CCDC183: variants seen among roughly 807,000 people sequenced by gnomAD.
CCDC183 encodes coiled-coil domain-containing protein 183.
CCDC183 carries 63 observed loss-of-function variants against 65.2 expected under a neutral mutation model. The ratio of observed to expected loss-of-function variants is 0.97; its 90% CI spans 0.79 to 1.19. The LOEUF (loss-of-function observed/expected upper bound fraction) is 1.19. CCDC183 is among the 50% of genes most tolerant of loss of function. The pLI is 0.00. For missense variants in CCDC183, 769 were observed against 689.3 expected, an observed-to-expected ratio of 1.12 and a Z score of -1.30; for synonymous variants, 323 against 276.5, an observed-to-expected ratio of 1.17 and a Z score of -1.67.
intron 1 of CCDC183, among the ~76,000 whole-genome samples, chr9:136,798,330 C>G (rs1342343981): frequency 1.4e-5 from 2 of 146,224 alleles, no homozygotes; most frequent in Non-Finnish European, 1.5e-5. Flanking sequence ...GAGACAGAGT[C>G]TCATTCTGTC....
chr9:136,799,633 C>T lies in CCDC183; in HGVS notation c.193-80C>T, dbSNP rs1205100895. ...TGGGCTAGCGTGGGATACAAGAGGC[C>T]CTGGGGAGAATGCCTGGAGGAGCCA... On this transcript the variant is annotated intron_variant, in intron 2 of 13. Coordinates refer to ENST00000338005, the MANE Select transcript of CCDC183 (RefSeq NM_001039374.5). 4.9e-6 allele frequency: 6 copies of T among 1,232,356 alleles called. No individual in the cohort carries two copies. The East Asian group carries it at 9.8e-5, about 20-fold the overall frequency. 76.3% of individuals were successfully genotyped at this position (1,232,356 alleles called of 1,614,324 possible). A position where few individuals can be genotyped will look rare whatever the true frequency, so the allele number is the denominator to read the frequency against.
chr9:136,805,555 T>C, intron 9 of CCDC183, 98 bp downstream of exon 9: 1 of 1,127,698 alleles, frequency 8.9e-7, no homozygotes, highest in Non-Finnish European at 1.3e-6. Context: ...GGCAGGAGGG[T>C]GGCTGAGCTG....
chr9:136,796,510 G>A (rs1204242699), intron 1 of CCDC183, 43 bp downstream of exon 1: 2 of 1,398,024 alleles, frequency 1.4e-6, no homozygotes, highest in Admixed American at 2.0e-5. Flanking sequence ...TCCCGTCTGG[G>A]GGTTTCTGGG....
intron 10 of CCDC183, 30 bp downstream of exon 10, chr9:136,806,268 C>T (rs779055079): frequency 8.9e-6 from 14 of 1,572,124 alleles, no homozygotes; most frequent in African/African-American, 1.4e-5. Context: ...CTGCGGGCCA[C>T]CCACCCCAGT....
chr9:136,806,906 C>T, intron 12 of CCDC183, 39 bp downstream of exon 12: 1 of 1,613,366 alleles, frequency 6.2e-7, no homozygotes, highest in Non-Finnish European at 8.5e-7. Flanking sequence ...AGCCCACGTC[C>T]CCTCAAAGCT....
rs755565621 is a variant in CCDC183 at position 136,806,841 on chromosome 9, G to C, written c.1363G>C (p.Val455Leu). Residue 455 changes from valine to leucine, a missense_variant, in exon 12 of 14, where the codon GTG becomes CTG. By Grantham distance (32) the Val-to-Leu change is conservative. Transcript: ENST00000338005. Reference sequence around the variant, plus strand: ...GAAGCTCACGTACCTGGCTGACAGAGTGCAGATGGTGTCCAGGACCGAGGA... The same window carrying C: ...GAAGCTCACGTACCTGGCTGACAGACTGCAGATGGTGTCCAGGACCGAGGA... ...EGKLTYLADR[V>L]QMVSRTEEGD... The C allele has an allele frequency of 1.9e-6, 3 of 1,613,572 alleles. No homozygotes were observed. The East Asian group carries it at 6.7e-5, about 36-fold the overall frequency.
intron 3 of CCDC183, 50 bp from the exon 4 acceptor site, chr9:136,799,952 A>T (rs1379662440): frequency 3.9e-6 from 6 of 1,549,716 alleles, no homozygotes; most frequent in Middle Eastern, 3.8e-4. Context: ...GGCGGGCTCC[A>T]TGGCGGCCCC....
In CCDC183 at chr9:136,804,314, G is replaced by C. The variant is rs1267514845; in HGVS notation, c.667-188G>C. On this transcript the variant is annotated intron_variant, in intron 6 of 13. Transcript: ENST00000338005. The surrounding 1 kb of genome is among the most constrained non-coding windows in gnomAD (Gnocchi z 4.1). ...TGGGCTGGCACATGCTCTGAGGCAT[G>C]GGCAAGGAGGGCCGTGAGCTGAGGG... The C allele has an allele frequency of 1.4e-6, 1 of 727,294 alleles. No homozygotes were observed. The highest frequency in any genetic ancestry group is 2.2e-6 in the Non-Finnish European group (1 of 461,252). The allele number at this position is 727,294 out of a possible 1,614,324, so 45.1% of individuals were successfully genotyped here. A position where few individuals can be genotyped will look rare whatever the true frequency, so the allele number is the denominator to read the frequency against.
Position 136,799,715 on chromosome 9 carries a change from T to C in CCDC183, c.195T>C (p.Tyr65=). The change falls in exon 3 of 14, where the codon TAT becomes TAC. Residue 65 remains tyrosine, a splice_region_variant and synonymous_variant. Coordinates refer to ENST00000338005, the MANE Select transcript of CCDC183 (RefSeq NM_001039374.5). ...GAQDWALAKK[Y]DQWTISKACG... The stretch of plus-strand genomic sequence containing the variant: ...GCTCAGCCGCCGCCGCTCCGCAGTA[T>C]GACCAGTGGACCATCTCCAAGGCCT... 5 of 1,612,812 alleles carry C rather than the reference T, an allele frequency of 3.1e-6. No homozygotes were observed. The highest frequency in any genetic ancestry group is 4.2e-6 in the Non-Finnish European group (5 of 1,179,768).
chr9:136,796,939 CG>C (rs1421038983), intron 1 of CCDC183, among the ~76,000 whole-genome samples: 1 of 149,730 alleles, frequency 6.7e-6, no homozygotes, highest in South Asian at 2.1e-4. Flanking sequence ...TCCCCCAGCC[CG>C]ACACCAGTAA....
chr9:136,797,750 T>A (rs952779753), intron 1 of CCDC183, among the ~76,000 whole-genome samples: 1 of 152,142 alleles, frequency 6.6e-6, no homozygotes, highest in Admixed American at 6.5e-5. Context: ...TGTGTCTTAT[T>A]TCTTTTCTCA....
Position 136,805,435 on chromosome 9 carries a change from C to T in CCDC183, c.926C>T (p.Ala309Val). 3 of 1,613,980 alleles carry T rather than the reference C, an allele frequency of 1.9e-6. No individual in the cohort carries two copies. The Admixed American group carries it at 5.0e-5, about 27-fold the overall frequency. The change falls in exon 9 of 14, where the codon GCT (alanine) becomes GTT (valine). Residue 309 changes from alanine (A) to valine (V), a missense_variant. Transcript: ENST00000338005. ...VTAVVEKVKS[A>V]VRCSHVWDIT... The stretch of plus-strand genomic sequence containing the variant: ...GCTGTGGTGGAGAAGGTCAAGAGTG[C>T]TGTACGGTGCTCTCACGTCTGGGTA...
In CCDC183 at chr9:136,806,252, C is replaced by T. The variant is rs940924934; in HGVS notation, c.1109+14C>T. ...TAGCTCCATCAGGTGCCCCGGGCTT[C>T]CGGGGCTGCGGGCCACCCACCCCAG... is the stretch of plus-strand genomic sequence containing the variant. On this transcript the variant is annotated intron_variant, in intron 10 of 13. Transcript: ENST00000338005. The T allele has an allele frequency of 1.9e-6, 3 of 1,583,658 alleles. No individual in the cohort carries two copies. In the African/African-American group the frequency reaches 4.0e-5, roughly 21 times the overall value.
chr9:136,806,296 C>A, intron 10 of CCDC183, 58 bp downstream of exon 10: 2 of 1,529,228 alleles, frequency 1.3e-6, no homozygotes, highest in Non-Finnish European at 1.8e-6. Context: ...AGGCCCCGGG[C>A]TGCAGCCAGG....
rs1343420556 is a variant in CCDC183 at position 136,807,384 on chromosome 9, C to A, written c.1487-188C>A. 18 of 785,644 alleles carry A rather than the reference C, an allele frequency of 2.3e-5. No homozygotes were observed. The East Asian group carries it at 2.8e-4, about 12-fold the overall frequency. The allele number at this position is 785,644 out of a possible 1,614,324, so 48.7% of individuals were successfully genotyped here. ...GCCGGAGCTTCCACTGGGGGTTCTG[C>A]GGGAAAGGCTAGGCAGGGCAGCGTG... On this transcript the variant is annotated intron_variant, in intron 13 of 13. Transcript: ENST00000338005.
chr9:136,800,303 C>G lies in CCDC183; in HGVS notation c.439-86C>G, dbSNP rs530629071. 2.0e-4 allele frequency: 287 copies of G among 1,461,834 alleles called. 6 individuals are homozygous for G. In the South Asian group the frequency reaches 2.7e-3, roughly 14 times the overall value. 90.6% of individuals were successfully genotyped at this position (1,461,834 alleles called of 1,614,324 possible). On this transcript the variant is annotated intron_variant, in intron 4 of 13. Transcript: ENST00000338005. ...CGGGAGGGGCGGGGCTAAGAGAGCA[C>G]GACCCTCTCCGGAGAAAACCCAGCC...
intron 6 of CCDC183, 27 bp downstream of exon 6, chr9:136,802,813 C>T (rs28729970): frequency 2.0e-6 from 3 of 1,510,846 alleles, no homozygotes; most frequent in Non-Finnish European, 2.7e-6. Context: ...GGGCTGGGGG[C>T]CCCCCAGGGC....
rs1564351087 is a variant in CCDC183, at chr9:136,804,567, C to G, written c.732C>G (p.Asn244Lys). Residue 244 changes from asparagine to lysine, a missense_variant, in exon 7 of 14, where the codon AAC (asparagine) becomes AAG (lysine). By Grantham distance (94) the Asn-to-Lys change is moderately conservative. Coordinates refer to ENST00000338005, the MANE Select transcript of CCDC183 (RefSeq NM_001039374.5). This position sits in a 1 kb window ranked among gnomAD's most constrained non-coding sequence, Gnocchi z 4.1. Reference sequence around the variant, plus strand: ...GCCGGGCAAGGGAGAACCGGCTCAACCAGCAGAAGAAGCTGATCGACAAGA... The same window carrying G: ...GCCGGGCAAGGGAGAACCGGCTCAAGCAGCAGAAGAAGCTGATCGACAAGA... ...EERRARENRL[N>K]QQKKLIDKIH... The G allele has an allele frequency of 2.5e-6, 4 of 1,613,156 alleles. No individual in the cohort carries two copies. The South Asian group carries it at 4.4e-5, about 18-fold the overall frequency.
At chr9:136,800,523 G>T in intron 5 of CCDC183, 30 bp downstream of exon 5, 2 of 1,465,636 alleles carry the variant, frequency 1.4e-6, no homozygotes, top group Non-Finnish European at 1.9e-6. Context: ...AAGGGCGGGG[G>T]TCAGGGGCTG....
Sources: gnomAD v4.1 joint callset for allele counts (sites outside exome capture counted in the v4.1 genomes callset) on GRCh38, gnomAD v4.1.1 for gene constraint, Gnocchi (gnomAD v3.1) non-coding constraint, MANE v1.5 for transcripts, NCBI Gene and HGNC (gene_info 2026-07-23, HGNC 2026-07-21) for gene names.